Variants in ANKIB1 observed in about 807,000 individuals in gnomAD.
ANKIB1 encodes the protein ankyrin repeat and IBR domain containing 1, also known as ankyrin repeat and IBR domain-containing protein 1.
A neutral mutation model predicts 122.1 loss-of-function variants in ANKIB1; 43 were observed. The observed-to-expected ratio is 0.35, with a 90% confidence interval of 0.28 to 0.45. The LOEUF (loss-of-function observed/expected upper bound fraction) is 0.45. ANKIB1 is among the 20% of genes least tolerant of loss of function. The pLI is 1.00. For missense variants in ANKIB1, 992 were observed against 1,329.5 expected, an observed-to-expected ratio of 0.75 and a Z score of 3.95; for synonymous variants, 390 against 442.0, an observed-to-expected ratio of 0.88 and a Z score of 1.48.
At chr7:92,280,912 G>T (rs1415424381) in intron 1 of ANKIB1, among the ~76,000 whole-genome samples, 1 of 152,126 alleles carries the variant, frequency 6.6e-6, no homozygotes, top group Non-Finnish European at 1.5e-5. Flanking sequence ...AGATGGTCTG[G>T]TAAATCCCAC....
intron 2 of ANKIB1, among the ~76,000 whole-genome samples, chr7:92,306,775 C>T (rs899705706): frequency 3.3e-5 from 5 of 152,110 alleles, no homozygotes; most frequent in African/African-American, 7.2e-5. Context: ...ATTAAGACAT[C>T]GTGTAAATAT....
In ANKIB1 at chr7:92,319,536, T is replaced by TAA. The variant is rs756294301; in HGVS notation, c.669+30_669+31dup. ...AGGTCAGTTTATTTTTTCTTCTCAG[T>TAA]AAAAAAATTACATGTAATTTTAGAT... On this transcript the variant is annotated intron_variant, in intron 4 of 19. Transcript: ENST00000265742. 6.3e-6 allele frequency: 10 copies of TAA among 1,579,032 alleles called. 1 individual carries two copies. In the Admixed American group the frequency reaches 1.6e-4, roughly 26 times the overall value.
At chr7:92,374,295 A>G (rs772229359) in intron 11 of ANKIB1, among the ~76,000 whole-genome samples, 3 of 152,058 alleles carry the variant, frequency 2.0e-5, no homozygotes, top group Admixed American at 6.6e-5. Flanking sequence ...TGGCCAACAT[A>G]GTGAAGCCTC....
chr7:92,356,616 A>T (rs957279804), intron 9 of ANKIB1, among the ~76,000 whole-genome samples: 17 of 152,222 alleles, frequency 1.1e-4, no homozygotes, highest in African/African-American at 3.9e-4. Flanking sequence ...CCTGTGAGAC[A>T]GCTCTGCCAC....
In ANKIB1 at chr7:92,382,140, C is replaced by T. The variant is rs929592066; in HGVS notation, c.1618-4369C>T. Among the ~76,000 whole-genome samples the T allele has an allele frequency of 2.0e-5, 3 of 150,372 alleles. No homozygotes were observed. The East Asian group carries it at 5.9e-4, about 29-fold the overall frequency. On this transcript the variant is annotated intron_variant, in intron 11 of 19. Transcript: ENST00000265742. ...CTAAACCAACAAAGATCAAAAGAGA[C>T]AAGGCCATTACATAATGGTAAAGGG...
chr7:92,274,389 AAAATTGT>A (rs375881644), intron 1 of ANKIB1, among the ~76,000 whole-genome samples: 42 of 152,312 alleles, frequency 2.8e-4, no homozygotes, highest in Middle Eastern at 3.4e-3. Context: ...TAAAGAACCT[AAAATTGT>A]AAATTCCACT....
rs544910110 is a variant in ANKIB1, at chr7:92,355,232, G to A, written c.1397+2590G>A. On this transcript the variant is annotated intron_variant, in intron 9 of 19. Transcript: ENST00000265742. ...AATATTCAAAACTTAGATGGGTTCT[G>A]ACTTAAACCAATGACTTTTCCTCTT... Among the ~76,000 whole-genome samples, 46 of 152,208 alleles carry A rather than the reference G, an allele frequency of 3.0e-4. 1 individual carries two copies. The South Asian group carries it at 7.7e-3, about 25-fold the overall frequency.
At chr7:92,319,543 A>G in intron 4 of ANKIB1, 31 bp downstream of exon 4, 5 of 1,572,200 alleles carry the variant, frequency 3.2e-6, no homozygotes, top group Middle Eastern at 1.7e-4. Context: ...CAGTAAAAAA[A>G]TTACATGTAA....
At chr7:92,390,979 TTCTC>T (rs1299139140) in intron 15 of ANKIB1, among the ~76,000 whole-genome samples, 183 bp from the exon 16 acceptor site, 1 of 152,192 alleles carries the variant, frequency 6.6e-6, no homozygotes, top group Non-Finnish European at 1.5e-5. Context: ...ATACAGTCCT[TTCTC>T]TTTCATAATC....
intron 15 of ANKIB1, among the ~76,000 whole-genome samples, chr7:92,390,958 CAT>C (rs1315126730): frequency 6.6e-6 from 1 of 152,072 alleles, no homozygotes; most frequent in Non-Finnish European, 1.5e-5. Flanking sequence ...TAAAAATTCA[CAT>C]GATTTTATAT....
chr7:92,290,345 A>G (rs1271619405), intron 1 of ANKIB1, among the ~76,000 whole-genome samples: 5 of 150,588 alleles, frequency 3.3e-5, no homozygotes, highest in Admixed American at 3.3e-4. Context: ...TAATTGCAGA[A>G]GACTAAATTG....
rs181053021 is a variant in ANKIB1 at position 92,321,468 on chromosome 7, A to T, written c.669+1956A>T. ...GTTTATTGCCTTTCTCTCCTATTAG[A>T]CTGTCAATTCCATGAAGGCTAGAGC... On this transcript the variant is annotated intron_variant, in intron 4 of 19. Transcript: ENST00000265742. Among the ~76,000 whole-genome samples the T allele has an allele frequency of 4.1e-4, 63 of 152,212 alleles. 1 individual carries two copies. The highest frequency in any genetic ancestry group is 2.9e-5 in the Non-Finnish European group (2 of 67,998).
chr7:92,299,288 G>A (rs984431651), intron 2 of ANKIB1, among the ~76,000 whole-genome samples: 5 of 152,128 alleles, frequency 3.3e-5, no homozygotes, highest in Middle Eastern at 3.2e-3. Context: ...GAAGATCTGC[G>A]TAACTCAGTA....
At chr7:92,296,752 T>A (rs113444442) in intron 2 of ANKIB1, among the ~76,000 whole-genome samples, 2,314 of 152,284 alleles carry the variant, frequency 0.015, 53 homozygotes, top group African/African-American at 0.052. Flanking sequence ...TTACACAGAG[T>A]AAATAGAAGT....
At chr7:92,283,353 T>C (rs1802049493) in intron 1 of ANKIB1, among the ~76,000 whole-genome samples, 1 of 152,298 alleles carries the variant, frequency 6.6e-6, no homozygotes, top group East Asian at 1.9e-4. Context: ...TACTTGGAAG[T>C]TTTCCTGCAA....
chr7:92,322,155 G>A (rs1055859394), intron 4 of ANKIB1, among the ~76,000 whole-genome samples: 7 of 152,078 alleles, frequency 4.6e-5, no homozygotes, highest in Admixed American at 4.6e-4. Flanking sequence ...TAGTCATTTA[G>A]TCAGAAGACA....
chr7:92,294,560 A>G (rs1490218489), intron 1 of ANKIB1: 1 of 226,056 alleles, frequency 4.4e-6, no homozygotes, highest in Non-Finnish European at 8.5e-6. Flanking sequence ...AGTGTTTTCA[A>G]CCATAAAATT....
chr7:92,398,577 T>C lies in ANKIB1; in HGVS notation c.2898T>C (p.Asn966=), dbSNP rs1280917272. 2 of 1,613,814 alleles carry C rather than the reference T, an allele frequency of 1.2e-6. No homozygotes were observed. Among genetic ancestry groups the C allele is most frequent in the Admixed American group, 1.7e-5 (1 of 59,990 alleles). The stretch of plus-strand genomic sequence containing the variant: ...CAGCTGGCCAGGACCCCAACATCAA[T>C]GACAATCTTCTCGGCAACATCATGG... The part of the protein sequence containing the change: ...PDSAGQDPNI[N]DNLLGNIMAW... Residue 966 remains asparagine (N), a synonymous_variant, in exon 20 of 20, where the codon AAT becomes AAC. Transcript: ENST00000265742.
chr7:92,273,586 G>A (rs1213097367), intron 1 of ANKIB1, among the ~76,000 whole-genome samples: 6 of 152,276 alleles, frequency 3.9e-5, no homozygotes, highest in Middle Eastern at 6.8e-3. Context: ...TGAAGTAAAT[G>A]TAGGGAAAAC....
Sources: allele counts gnomAD v4.1 joint callset (sites outside exome capture counted in the v4.1 genomes callset), GRCh38; gene constraint gnomAD v4.1.1; transcripts MANE v1.5; gene names NCBI Gene and HGNC (gene_info 2026-07-23, HGNC 2026-07-21).